Variants in EPG5 observed in about 807,000 individuals in gnomAD.
The protein encoded by EPG5 is ectopic P granules protein 5 homolog.
EPG5 carries 159 observed loss-of-function variants against 302.7 expected under a neutral mutation model. The ratio of observed to expected loss-of-function variants is 0.53; its 90% CI spans 0.46 to 0.60. EPG5 has a LOEUF of 0.60. Ranked by LOEUF, EPG5 falls within the 20% of genes least tolerant of loss-of-function variation. The pLI is 0.00. For missense variants in EPG5, 2,896 were observed against 3,092.4 expected, an observed-to-expected ratio of 0.94 and a Z score of 1.51; for synonymous variants, 1,158 against 1,136.8, an observed-to-expected ratio of 1.02 and a Z score of -0.37.
At chr18:45,935,473 T>C (rs1157749190) in intron 10 of EPG5, among the ~76,000 whole-genome samples, 1 of 151,826 alleles carries the variant, frequency 6.6e-6, no homozygotes, top group South Asian at 2.1e-4. Context: ...ACCCAGGAGG[T>C]AGAGATTGCA....
At chr18:45,838,068 G>A in the EPG5 span, among the ~76,000 whole-genome samples, 1 of 152,218 alleles carries the variant, frequency 6.6e-6, no homozygotes, top group East Asian at 1.9e-4. Flanking sequence ...GACCACCTGG[G>A]AGCTTGACAC....
intron 27 of EPG5, among the ~76,000 whole-genome samples, chr18:45,891,712 A>C (rs2049355558): frequency 6.6e-6 from 1 of 152,192 alleles, no homozygotes. Flanking sequence ...GTGACATCAA[A>C]ATGCACAAAA....
At chr18:45,912,763 G>A (rs965643767) in intron 21 of EPG5, among the ~76,000 whole-genome samples, 3 of 152,248 alleles carry the variant, frequency 2.0e-5, no homozygotes, top group South Asian at 4.1e-4. Flanking sequence ...CGAATACAAC[G>A]TTATAGTGCA....
At chr18:45,929,108 A>T in intron 12 of EPG5, 99 bp from the exon 13 acceptor site, 1 of 1,256,684 alleles carries the variant, frequency 8.0e-7, no homozygotes. Context: ...AAAGAATCTT[A>T]CATTGAGCCT....
the EPG5 span, among the ~76,000 whole-genome samples, chr18:45,835,786 G>A: frequency 1.4e-3 from 218 of 152,262 alleles, 2 homozygotes; most frequent in African/African-American, 5.0e-3. Flanking sequence ...TGGGACTCAC[G>A]GCACTGCAGG....
At chr18:45,941,727 A>AT (rs1907296524) in intron 9 of EPG5, among the ~76,000 whole-genome samples, 2 of 152,376 alleles carry the variant, frequency 1.3e-5, no homozygotes, top group South Asian at 4.1e-4. Flanking sequence ...ATCCTACATC[A>AT]TGTAAGTGAG....
intron 27 of EPG5, among the ~76,000 whole-genome samples, chr18:45,894,453 A>AAAT (rs200011992): frequency 3.8e-3 from 579 of 151,094 alleles, no homozygotes; most frequent in African/African-American, 6.6e-3. Flanking sequence ...CTCTGCCTCA[A>AAAT]AATAATAATA....
Position 45,901,183 on chromosome 18 carries a change from G to A in EPG5, c.4475-16C>T. The A allele has an allele frequency of 6.2e-7, 1 of 1,611,820 alleles. No homozygotes were observed. Among genetic ancestry groups the A allele is most frequent in the Non-Finnish European group, 8.5e-7 (1 of 1,178,558 alleles). On this transcript the variant is annotated splice_polypyrimidine_tract_variant and intron_variant, in intron 25 of 43. Coordinates refer to ENST00000282041, the MANE Select transcript of EPG5 (RefSeq NM_020964.3). ...CTTTCTTTAGCTGAAAGAAAATTAA[G>A]TCATATATACTGAGCAATCAGGTGA...
In EPG5 at chr18:45,955,303, C is replaced by G. The variant is rs1167353740; in HGVS notation, c.99G>C (p.Glu33Asp). ...KKKYETPQRE[E>D]SSEVSLPKTS... ...TTTTTGGAAGGGAGACTTCACTGGA[C>G]TCTTCCCTCTGAGGAGTTTCATACT... The change falls in exon 2 of 44, where the codon GAG becomes GAC. Residue 33 changes from glutamate (E) to aspartate (D), a missense_variant. Coordinates refer to ENST00000282041, the MANE Select transcript of EPG5 (RefSeq NM_020964.3). The G allele has an allele frequency of 6.2e-7, 1 of 1,607,978 alleles. No individual in the cohort carries two copies. Among genetic ancestry groups the G allele is most frequent in the East Asian group, 2.2e-5 (1 of 44,782 alleles).
chr18:45,893,551 T>TC (rs2049399530), intron 27 of EPG5, among the ~76,000 whole-genome samples: 1 of 136,794 alleles, frequency 7.3e-6, no homozygotes, highest in African/African-American at 2.7e-5. Context: ...AGACTCTGTC[T>TC]AAAAAAAAAA....
rs1175286770 is a variant in EPG5, at chr18:45,852,392, CAA to C, written c.*73_*74del. ...AACTGAGCTCTACAGTGCAATTGAG[CAA>C]AGTTACTTGTGCAACAGCAAAGTTA... On this transcript the variant is annotated 3_prime_UTR_variant, in exon 44 of 44. Coordinates refer to ENST00000282041, the MANE Select transcript of EPG5 (RefSeq NM_020964.3). The C allele has an allele frequency of 2.2e-5, 31 of 1,438,236 alleles. No individual in the cohort carries two copies. Among genetic ancestry groups the C allele is most frequent in the Non-Finnish European group, 2.8e-5 (29 of 1,053,708 alleles). The allele number at this position is 1,438,236 out of a possible 1,614,324, so 89.1% of individuals were successfully genotyped here.
intron 35 of EPG5, among the ~76,000 whole-genome samples, chr18:45,873,030 G>C (rs2048903452): frequency 6.6e-6 from 1 of 152,202 alleles, no homozygotes; most frequent in Non-Finnish European, 1.5e-5. Flanking sequence ...GAAGGAGCTA[G>C]TGGATCAGAT....
At chr18:45,915,803 G>A (rs927959369) in intron 19 of EPG5, among the ~76,000 whole-genome samples, 182 bp from the exon 20 acceptor site, 10 of 152,204 alleles carry the variant, frequency 6.6e-5, no homozygotes, top group East Asian at 5.8e-4. Flanking sequence ...TGTAACAAGC[G>A]GGACTCTTCC....
the EPG5 span, among the ~76,000 whole-genome samples, chr18:45,825,322 A>G: frequency 7.0e-6 from 1 of 142,486 alleles, no homozygotes; most frequent in Non-Finnish European, 1.5e-5. Flanking sequence ...AAGGAAGGAA[A>G]GGAAGGAGGG....
Position 45,889,870 on chromosome 18 carries a change from A to C in EPG5, c.4880T>G (p.Leu1627Trp). The C allele has an allele frequency of 6.2e-7, 1 of 1,612,200 alleles. No homozygotes were observed. The highest frequency in any genetic ancestry group is 8.5e-7 in the Non-Finnish European group (1 of 1,178,972). The stretch of plus-strand genomic sequence containing the variant: ...TGGTGGTTTAGCAGCTTCTGCTTGC[A>C]ACTGCTTCACTTCCTTCCGTAAAAC... Reference protein sequence around the residue: ...LHVLRKEVKQLQAEAAKPPSL... With the variant: ...LHVLRKEVKQWQAEAAKPPSL... Residue 1627 changes from leucine (L) to tryptophan (W), a missense_variant, in exon 28 of 44, where the codon TTG becomes TGG. Coordinates refer to ENST00000282041, the MANE Select transcript of EPG5 (RefSeq NM_020964.3).
At chr18:45,944,179 C>CGTT in intron 7 of EPG5, 60 bp from the exon 8 acceptor site, 1 of 1,027,860 alleles carries the variant, frequency 9.7e-7, no homozygotes, top group East Asian at 2.4e-5. Flanking sequence ...TATGATCTAG[C>CGTT]GTTACAGGAG....
Position 45,951,219 on chromosome 18 carries a change from G to A in EPG5, c.1272C>T (p.Ser424=), listed in dbSNP as rs1187682512. Residue 424 remains serine, a synonymous_variant, in exon 4 of 44, where the codon AGC becomes AGT. Transcript: ENST00000282041. The part of the protein sequence containing the change: ...QQGRASKQTE[S]IPSDLCQLKE... ...TTAGTTGACACAGATCAGAGGGAAT[G>A]CTTTCTGTCTGCTTAGACGCTGTAA... 2 of 1,562,918 alleles carry A rather than the reference G, an allele frequency of 1.3e-6. No homozygotes were observed. The highest frequency in any genetic ancestry group is 3.8e-5 in the Admixed American group (2 of 52,174).
chr18:45,895,657 T>C (rs1173263585), intron 27 of EPG5, among the ~76,000 whole-genome samples: 2 of 152,218 alleles, frequency 1.3e-5, no homozygotes, highest in Non-Finnish European at 2.9e-5. Flanking sequence ...AGGGAAAAGA[T>C]GTGACTACAT....
the EPG5 span, chr18:45,840,289 C>A: frequency 6.3e-7 from 1 of 1,581,022 alleles, no homozygotes; most frequent in Non-Finnish European, 8.6e-7. Context: ...CCCACCTAGT[C>A]CTCATCACCC....
Sources: gnomAD v4.1 joint callset for allele counts (sites outside exome capture counted in the v4.1 genomes callset) on GRCh38, gnomAD v4.1.1 for gene constraint, MANE v1.5 for transcripts, NCBI Gene and HGNC (gene_info 2026-07-23, HGNC 2026-07-21) for gene names.